Variants in ESR1 observed in about 807,000 individuals in gnomAD.
ESR1 encodes the protein estrogen receptor 1.
In ESR1, 12 loss-of-function variants were observed where a neutral mutation model predicts 52.7. That is an observed-to-expected ratio of 0.23 (90% CI 0.15 to 0.37). The LOEUF is 0.37. ESR1 is among the 10% of genes least tolerant of loss of function. The pLI is 1.00. For missense variants in ESR1, 584 were observed against 779.7 expected (o/e 0.75, Z 2.99); for synonymous variants, 305 against 316.8 (o/e 0.96, Z 0.39).
intron 2 of ESR1, among the ~76,000 whole-genome samples, chr6:151,771,965 C>G (rs1785556664): frequency 6.6e-6 from 1 of 152,192 alleles, no homozygotes; most frequent in Non-Finnish European, 1.5e-5. Flanking sequence ...CAAAACTCCC[C>G]TGCTTTTCTC....
chr6:152,087,313 G>C (rs2049805445), intron 6 of ESR1, among the ~76,000 whole-genome samples: 1 of 152,050 alleles, frequency 6.6e-6, no homozygotes, highest in African/African-American at 2.4e-5. Flanking sequence ...GTAGGAAATG[G>C]CCACAAAAGG....
chr6:151,716,605 A>G (rs566261817), intron 2 of ESR1, among the ~76,000 whole-genome samples: 197 of 152,242 alleles, frequency 1.3e-3, no homozygotes, highest in Admixed American at 4.1e-3. Flanking sequence ...CCCAGTTTGA[A>G]CTTCCTGGTG....
chr6:151,844,674 T>C (rs1172490905), intron 2 of ESR1, among the ~76,000 whole-genome samples: 1 of 152,204 alleles, frequency 6.6e-6, no homozygotes, highest in Non-Finnish European at 1.5e-5. Context: ...CGATCCCTGA[T>C]TTAATGTTTA....
chr6:151,898,850 T>G (rs1795990099), intron 3 of ESR1, among the ~76,000 whole-genome samples: 1 of 152,168 alleles, frequency 6.6e-6, no homozygotes, highest in Non-Finnish European at 1.5e-5. Context: ...TTCCCCACCT[T>G]TCCCCCCTTT....
At chr6:151,711,017 G>A (rs1469889588) in intron 2 of ESR1, among the ~76,000 whole-genome samples, 1 of 152,116 alleles carries the variant, frequency 6.6e-6, no homozygotes, top group African/African-American at 2.4e-5. Flanking sequence ...ACATACATGT[G>A]CATGTGTCTT....
chr6:151,967,916 G>A (rs2038456250), intron 4 of ESR1, among the ~76,000 whole-genome samples: 1 of 152,250 alleles, frequency 6.6e-6, no homozygotes, highest in African/African-American at 2.4e-5. Context: ...GTTTTGATTT[G>A]CATTTCTCTA....
chr6:151,798,052 T>G (rs1446248943), intron 2 of ESR1, among the ~76,000 whole-genome samples: 1 of 152,134 alleles, frequency 6.6e-6, no homozygotes, highest in Non-Finnish European at 1.5e-5. Flanking sequence ...CAGTTGTACA[T>G]CTTGAACTCT....
chr6:151,717,395 C>T (rs374412870), intron 2 of ESR1, among the ~76,000 whole-genome samples: 2 of 152,146 alleles, frequency 1.3e-5, no homozygotes, highest in African/African-American at 4.8e-5. Context: ...AGAATAGAAA[C>T]AAGTAAGAGC....
intron 6 of ESR1, among the ~76,000 whole-genome samples, chr6:152,070,907 T>C (rs2982894): frequency 0.089 from 12,429 of 138,940 alleles, 2,179 homozygotes; most frequent in East Asian, 0.15. Context: ...AAGACAGCAA[T>C]ATTCCATGGA....
At chr6:151,681,402 G>C (rs1778453231) in intron 1 of ESR1, among the ~76,000 whole-genome samples, 1 of 151,908 alleles carries the variant, frequency 6.6e-6, no homozygotes, top group Non-Finnish European at 1.5e-5. Flanking sequence ...TGGCAGGAGG[G>C]GACGGCGGTG....
At chr6:151,790,175 G>T (rs1195497257) in intron 2 of ESR1, among the ~76,000 whole-genome samples, 1 of 152,180 alleles carries the variant, frequency 6.6e-6, no homozygotes, top group East Asian at 1.9e-4. Context: ...CCTGTGGGTA[G>T]CCCACTTGGG....
At chr6:152,026,972 T>C (rs965784965) in intron 5 of ESR1, among the ~76,000 whole-genome samples, 7 of 50,326 alleles carry the variant, frequency 1.4e-4, no homozygotes, top group African/African-American at 8.7e-4. Context: ...TCTTTTCTCT[T>C]TTTTTTTTTT....
At chr6:152,041,125 T>C (rs1260444921) in intron 5 of ESR1, among the ~76,000 whole-genome samples, 2 of 152,200 alleles carry the variant, frequency 1.3e-5, no homozygotes, top group African/African-American at 2.4e-5. Flanking sequence ...AGAGTAGTTA[T>C]CTGCAGGAGA....
At chr6:151,718,513 T>A (rs1781221265) in intron 2 of ESR1, among the ~76,000 whole-genome samples, 1 of 152,204 alleles carries the variant, frequency 6.6e-6, no homozygotes, top group African/African-American at 2.4e-5. Context: ...AAATATCGTA[T>A]TAGTGTGAAA....
At chr6:151,891,245 C>T (rs544212410) in intron 3 of ESR1, among the ~76,000 whole-genome samples, 4 of 152,270 alleles carry the variant, frequency 2.6e-5, no homozygotes, top group East Asian at 3.9e-4. Context: ...GGAATGACCA[C>T]GTCTCACCTT....
At chr6:152,073,774 C>G (rs1421242928) in intron 6 of ESR1, among the ~76,000 whole-genome samples, 2 of 152,118 alleles carry the variant, frequency 1.3e-5, no homozygotes, top group African/African-American at 4.8e-5. Context: ...TACCAACTGG[C>G]CGACCTCAGG....
At chr6:151,750,100 AC>A (rs1398822075) in intron 2 of ESR1, among the ~76,000 whole-genome samples, 1 of 152,122 alleles carries the variant, frequency 6.6e-6, no homozygotes, top group African/African-American at 2.4e-5. Context: ...GTAAACTAAT[AC>A]CTACTTTTTG....
At position 151,908,768 on chromosome 6, in the gene ESR1, GA is replaced by G. The variant is rs200978794; in HGVS notation, c.760+28007del. Reference sequence around the variant, plus strand: ...TCATGAAATCTTTCTAAACAATTGAGAAAAAAAAAACTGTTCTGAAACAAAA... The same window carrying G: ...TCATGAAATCTTTCTAAACAATTGAGAAAAAAAAACTGTTCTGAAACAAAA... On this transcript the variant is annotated intron_variant, in intron 3 of 7. Transcript: ENST00000206249. Among the ~76,000 whole-genome samples, 1,348 of 146,992 alleles carry G rather than the reference GA, an allele frequency of 9.2e-3. 50 individuals carry two copies. Among genetic ancestry groups the G allele is most frequent in the East Asian group, 0.062 (311 of 5,036 alleles).
At chr6:152,110,065 A>G (rs1026025285) in intron 6 of ESR1, among the ~76,000 whole-genome samples, 10 of 152,240 alleles carry the variant, frequency 6.6e-5, no homozygotes, top group Non-Finnish European at 1.3e-4. Context: ...ATAAATTATT[A>G]TATTTTACAG....
Sources: gnomAD v4.1 joint callset for allele counts (sites outside exome capture counted in the v4.1 genomes callset) on GRCh38, gnomAD v4.1.1 for gene constraint, MANE v1.5 for transcripts, NCBI Gene and HGNC (gene_info 2026-07-23, HGNC 2026-07-21) for gene names.